Variants in GALNT5 observed in about 807,000 individuals in gnomAD.
GALNT5 encodes UDP-GalNAc:polypeptide N-acetylgalactosaminyltransferase 5.
Under a neutral mutation model 85.4 loss-of-function variants are expected in GALNT5, and 72 were observed. The observed-to-expected ratio is 0.84, with a 90% CI of 0.70 to 1.03. The LOEUF (loss-of-function observed/expected upper bound fraction) is 1.03, where lower values mean the gene tolerates loss of function less well. GALNT5 is among the 50% of genes least tolerant of loss of function. GALNT5 has a pLI of 0.00. For synonymous variants in GALNT5, 404 were observed against 397.0 expected, an observed-to-expected ratio of 1.02 and a Z score of -0.21; for missense variants, 1,137 against 1,135.5, an observed-to-expected ratio of 1.00 and a Z score of -0.02.
chr2:157,286,648 C>T (rs1682979798), intron 3 of GALNT5, among the ~76,000 whole-genome samples: 1 of 152,098 alleles, frequency 6.6e-6, no homozygotes, highest in Admixed American at 6.5e-5. Flanking sequence ...GGATTACAGG[C>T]ACCCACCACC....
intron 3 of GALNT5, among the ~76,000 whole-genome samples, chr2:157,291,640 C>CCCA (rs1553463150): frequency 7.0e-6 from 1 of 143,670 alleles, no homozygotes; most frequent in African/African-American, 2.6e-5. Context: ...CCCACCCCCC[C>CCCA]CCAGATTTTT....
chr2:157,262,916 C>T (rs977912968), intron 1 of GALNT5, among the ~76,000 whole-genome samples: 1 of 147,602 alleles, frequency 6.8e-6, no homozygotes, highest in Non-Finnish European at 1.5e-5. Context: ...CAAACTCCGC[C>T]TCCGGGGTTC....
Position 157,273,795 on chromosome 2 carries a change from A to T in GALNT5, c.1455-10487A>T, listed in dbSNP as rs1682652851. Among the ~76,000 whole-genome samples, 3 of 151,580 alleles carry T rather than the reference A, an allele frequency of 2.0e-5. No homozygotes were observed. The East Asian group carries it at 5.8e-4, about 29-fold the overall frequency. ...GTAGCTGGGATTACAAGTACCCGCC[A>T]CCATGCCAGGGTAATTTTTTGTATT... On this transcript the variant is annotated intron_variant, in intron 1 of 9. Transcript: ENST00000259056.
rs68129611 is a variant in GALNT5 at position 157,317,174 on chromosome 2, G to GTATATATATA, written c.*5842_*5851dup. ...TTTTGTAAATATACTGTATGTGTGT[G>GTATATATATA]TATATATATATATATATATATATAT... On this transcript the variant is annotated 3_prime_UTR_variant, in exon 10 of 10. Transcript: ENST00000259056. 7.2e-6 allele frequency among the ~76,000 whole-genome samples: 1 copy of GTATATATATA among 139,322 alleles called. No individual in the cohort carries two copies. The highest frequency in any genetic ancestry group is 2.6e-5 in the African/African-American group (1 of 37,952). The allele number at this position is 139,322 out of a possible 152,430, so 91.4% of individuals were successfully genotyped here. A position where few individuals can be genotyped will look rare whatever the true frequency, so the allele number is the denominator to read the frequency against.
At chr2:157,275,661 C>G (rs907884050) in intron 1 of GALNT5, among the ~76,000 whole-genome samples, 1 of 152,108 alleles carries the variant, frequency 6.6e-6, no homozygotes, top group Non-Finnish European at 1.5e-5. Context: ...CTTGTGATTT[C>G]TGCACATTGA....
intron 1 of GALNT5, among the ~76,000 whole-genome samples, chr2:157,266,687 T>G (rs1682465364): frequency 6.6e-6 from 1 of 152,158 alleles, no homozygotes; most frequent in South Asian, 2.1e-4. Flanking sequence ...AAAGAATAAA[T>G]GATTTATCCA....
rs187480504 is a variant in GALNT5, at chr2:157,314,586, T to A, written c.*3238T>A. Among the ~76,000 whole-genome samples, 1 of 152,172 alleles carries A rather than the reference T, an allele frequency of 6.6e-6. No individual in the cohort carries two copies. The highest frequency in any genetic ancestry group is 2.4e-5 in the African/African-American group (1 of 41,436). On this transcript the variant is annotated 3_prime_UTR_variant, in exon 10 of 10. Transcript: ENST00000259056. Reference sequence around the variant, plus strand: ...TAAAACACCTTACTTCTAGTATTAGTTTGGGACTGCAGAGGGGCAAAGATA... The same window carrying A: ...TAAAACACCTTACTTCTAGTATTAGATTGGGACTGCAGAGGGGCAAAGATA...
intron 7 of GALNT5, among the ~76,000 whole-genome samples, chr2:157,305,280 G>T (rs1231959189): frequency 6.6e-6 from 1 of 152,134 alleles, no homozygotes; most frequent in Non-Finnish European, 1.5e-5. Context: ...CAGGGAATCA[G>T]CTGGAATCTG....
intron 3 of GALNT5, among the ~76,000 whole-genome samples, chr2:157,290,112 T>TATATATATATACATATACAC (rs1416458086): frequency 7.2e-6 from 1 of 138,234 alleles, no homozygotes; most frequent in African/African-American, 3.1e-5. Flanking sequence ...TATATATATA[T>TATATATATATACATATACAC]ACATACACAA....
chr2:157,300,868 C>G lies in GALNT5; in HGVS notation c.2308C>G (p.Gln770Glu), dbSNP rs769988939. 1 of 1,613,994 alleles carries G rather than the reference C, an allele frequency of 6.2e-7. No individual in the cohort carries two copies. Among genetic ancestry groups the G allele is most frequent in the Non-Finnish European group, 8.5e-7 (1 of 1,179,916 alleles). The change falls in exon 7 of 10, where the codon CAA (glutamine) becomes GAA (glutamate). Residue 770 changes from glutamine (Q) to glutamate (E), a missense_variant. Transcript: ENST00000259056. ...TGGCCACGGAGACCACCTCATCGAC[C>G]AAGGGCTAGATGTTGGCAACCTCAC... ...FYGHGDHLID[Q>E]GLDVGNLTQQ...
rs201732442 is a variant in GALNT5, at chr2:157,258,076, T to C, written c.-7T>C. On this transcript the variant is annotated 5_prime_UTR_variant, in exon 1 of 10. Coordinates refer to ENST00000259056, the MANE Select transcript of GALNT5 (RefSeq NM_014568.3). Reference sequence around the variant, plus strand: ...GGAGGGCAGGCTGCTAGGGAAAGCTTTGTACCATGAACAGGATCCGAAAGT... The same window carrying C: ...GGAGGGCAGGCTGCTAGGGAAAGCTCTGTACCATGAACAGGATCCGAAAGT... The C allele has an allele frequency of 3.4e-5, 55 of 1,612,664 alleles. No homozygotes were observed. The Middle Eastern group carries it at 3.2e-3, about 93-fold the overall frequency.
intron 9 of GALNT5, among the ~76,000 whole-genome samples, chr2:157,309,295 T>C (rs142879948): frequency 6.6e-6 from 1 of 152,316 alleles, no homozygotes; most frequent in East Asian, 1.9e-4. Context: ...ACCACATTGG[T>C]AGCTGGAAAC....
intron 1 of GALNT5, among the ~76,000 whole-genome samples, chr2:157,280,773 A>C (rs1456586842): frequency 6.6e-6 from 1 of 152,202 alleles, no homozygotes; most frequent in Non-Finnish European, 1.5e-5. Flanking sequence ...AGGCAGATCT[A>C]TAATGGATGA....
At chr2:157,282,272 A>C (rs972381287) in intron 1 of GALNT5, among the ~76,000 whole-genome samples, 2 of 152,118 alleles carry the variant, frequency 1.3e-5, no homozygotes, top group African/African-American at 4.8e-5. Context: ...AATTAACTTT[A>C]TCTTGAGCTC....
At chr2:157,279,664 A>G (rs1682815744) in intron 1 of GALNT5, among the ~76,000 whole-genome samples, 2 of 152,208 alleles carry the variant, frequency 1.3e-5, no homozygotes, top group African/African-American at 4.8e-5. Flanking sequence ...AGTTGCTGAG[A>G]CTGTGGGAAA....
intron 3 of GALNT5, among the ~76,000 whole-genome samples, chr2:157,294,566 G>T (rs560013149): frequency 6.6e-6 from 1 of 152,166 alleles, no homozygotes; most frequent in African/African-American, 2.4e-5. Flanking sequence ...TGCTGCAGCC[G>T]AGTGGAGGGT....
intron 1 of GALNT5, among the ~76,000 whole-genome samples, chr2:157,282,309 T>C (rs571447519): frequency 3.3e-5 from 5 of 152,306 alleles, no homozygotes; most frequent in East Asian, 3.9e-4. Context: ...CAATCAATGA[T>C]TTGTGAGTCA....
At position 157,317,591 on chromosome 2, in the gene GALNT5, A is replaced by C. The variant is rs1409139946; in HGVS notation, c.*6243A>C. ...GGGGAGAATAAAACTAAAACTGTGGAGTATAAAGGATGTTGGAATTAAACA... is the reference window on the plus strand; with the variant it reads ...GGGGAGAATAAAACTAAAACTGTGGCGTATAAAGGATGTTGGAATTAAACA... On this transcript the variant is annotated 3_prime_UTR_variant, in exon 10 of 10. Coordinates refer to ENST00000259056, the MANE Select transcript of GALNT5 (RefSeq NM_014568.3). Among the ~76,000 whole-genome samples the C allele has an allele frequency of 3.3e-5, 5 of 152,158 alleles. No homozygotes were observed. Among genetic ancestry groups the C allele is most frequent in the Non-Finnish European group, 7.4e-5 (5 of 67,994 alleles).
At position 157,259,483 on chromosome 2, in the gene GALNT5, C is replaced by T. The variant is rs777929716; in HGVS notation, c.1401C>T (p.Tyr467=). Residue 467 remains tyrosine (Y), a synonymous_variant, in exon 1 of 10, where the codon TAC becomes TAT. Coordinates refer to ENST00000259056, the MANE Select transcript of GALNT5 (RefSeq NM_014568.3). ...RRWKEGNFNV[Y]LSDLIPVDRA... The stretch of plus-strand genomic sequence containing the variant: ...GGAAAGAAGGAAACTTCAATGTCTA[C>T]CTTAGCGATTTGATCCCAGTGGATA... 6.9e-7 allele frequency: 1 copy of T among 1,441,218 alleles called. No homozygotes were observed. The highest frequency in any genetic ancestry group is 9.2e-7 in the Non-Finnish European group (1 of 1,092,530). 89.3% of individuals were successfully genotyped at this position (1,441,218 alleles called of 1,614,324 possible).
Sources: allele counts gnomAD v4.1 joint callset (sites outside exome capture counted in the v4.1 genomes callset), GRCh38; gene constraint gnomAD v4.1.1; transcripts MANE v1.5; gene names NCBI Gene and HGNC (gene_info 2026-07-23, HGNC 2026-07-21).